The following ERI1 variants were observed in gnomAD, a reference collection of about 807,000 sequenced individuals.
ERI1 encodes the protein exoribonuclease 1.
ERI1 carries 39 observed loss-of-function variants against 39.7 expected under a neutral mutation model. The observed-to-expected ratio is 0.98, with a 90% CI of 0.76 to 1.28. The LOEUF is 1.28. Among genes scored for constraint, ERI1 ranks in the 50% most tolerant of loss-of-function variants. The pLI is 0.00. For synonymous variants in ERI1, 204 were observed against 149.6 expected, an observed-to-expected ratio of 1.36 and a Z score of -2.65; for missense variants, 581 against 416.9, an observed-to-expected ratio of 1.39 and a Z score of -3.43.
chr8:9,019,028 T>A (rs1170304081), intron 5 of ERI1, among the ~76,000 whole-genome samples: 1 of 152,226 alleles, frequency 6.6e-6, no homozygotes, highest in Non-Finnish European at 1.5e-5. Context: ...AAGACTTACT[T>A]TTGCAAGGAA....
chr8:9,055,955 G>A (rs1798494246), intron 3 of ERI1, among the ~76,000 whole-genome samples: 1 of 152,190 alleles, frequency 6.6e-6, no homozygotes. Flanking sequence ...AAAATGAGGG[G>A]CAAGAGACAG....
chr8:9,064,980 TG>T (rs1235532581), intron 3 of ERI1, among the ~76,000 whole-genome samples: 1 of 151,388 alleles, frequency 6.6e-6, no homozygotes, highest in African/African-American at 2.4e-5. Context: ...CAGGAAGGAG[TG>T]GGGGTCACAA....
intron 5 of ERI1, among the ~76,000 whole-genome samples, chr8:9,019,270 G>A (rs545510085): frequency 6.6e-6 from 1 of 152,190 alleles, no homozygotes; most frequent in Non-Finnish European, 1.5e-5. Context: ...TTCAAACTGT[G>A]CAGGTTATCC....
At chr8:9,070,400 A>G (rs1799011657) in intron 3 of ERI1, among the ~76,000 whole-genome samples, 2 of 152,164 alleles carry the variant, frequency 1.3e-5, no homozygotes, top group African/African-American at 4.8e-5. Flanking sequence ...AGGCCAAAGG[A>G]TGGCTTGAGC....
chr8:9,009,884 C>T (rs972754575), intron 2 of ERI1, among the ~76,000 whole-genome samples: 2 of 152,166 alleles, frequency 1.3e-5, no homozygotes, highest in Admixed American at 6.5e-5. Flanking sequence ...ACCTCAGGAA[C>T]ATGTGACAAT....
chr8:9,097,047 C>A (rs955222810), intron 3 of ERI1, among the ~76,000 whole-genome samples: 26 of 152,140 alleles, frequency 1.7e-4, no homozygotes, highest in Non-Finnish European at 1.0e-4. Context: ...CCCATTCCCT[C>A]TCTGCCTTTA....
intron 3 of ERI1, among the ~76,000 whole-genome samples, chr8:9,013,759 A>G (rs1816930973): frequency 6.6e-6 from 1 of 152,054 alleles, no homozygotes; most frequent in Non-Finnish European, 1.5e-5. Flanking sequence ...AGCTTTTTCT[A>G]ATTAGAATCC....
chr8:9,004,379 C>G (rs1585176345), intron 1 of ERI1: 5 of 833,254 alleles, frequency 6.0e-6, no homozygotes, highest in Non-Finnish European at 7.7e-6. Context: ...ATTTGAAAGT[C>G]TTGACACTTT....
chr8:9,016,495 G>A (rs1246873962), intron 4 of ERI1, 90 bp downstream of exon 4: 4 of 641,008 alleles, frequency 6.2e-6, no homozygotes, highest in East Asian at 3.3e-5. Context: ...AATTATTACT[G>A]TTGTGAACAA....
rs1312108284 is a variant in ERI1, at chr8:9,020,494, G to C, written c.807+30G>C. On this transcript the variant is annotated intron_variant, in intron 6 of 6. Coordinates refer to ENST00000250263, the MANE Select transcript of ERI1 (RefSeq NM_153332.4). ...AATTTCTATATTTAATAATTACGTGGTTCTTAATGATAAATTTGTTAAAAT... is the reference window on the plus strand; with the variant it reads ...AATTTCTATATTTAATAATTACGTGCTTCTTAATGATAAATTTGTTAAAAT... 3 of 1,332,768 alleles carry C rather than the reference G, an allele frequency of 2.3e-6. No homozygotes were observed. The East Asian group carries it at 7.3e-5, about 32-fold the overall frequency. 82.6% of individuals were successfully genotyped at this position (1,332,768 alleles called of 1,614,324 possible).
intron 3 of ERI1, chr8:9,062,581 GA>G (rs1243737825): frequency 1.2e-5 from 1 of 86,704 alleles, no homozygotes; most frequent in Non-Finnish European, 2.9e-5. Flanking sequence ...AGGTAATGTG[GA>G]GTGGGTAGCC....
chr8:9,031,942 G>A lies in ERI1; in HGVS notation c.*1908G>A, dbSNP rs1368106212. ...CCGCCTAATTTTTGTATTTTTGGTAGAGGCGGGGTTTCACCATGTTGGTCA... is the reference window on the plus strand; with the variant it reads ...CCGCCTAATTTTTGTATTTTTGGTAAAGGCGGGGTTTCACCATGTTGGTCA... On this transcript the variant is annotated 3_prime_UTR_variant, in exon 7 of 7. Coordinates refer to ENST00000250263, the MANE Select transcript of ERI1 (RefSeq NM_153332.4). 2 of 152,250 alleles carry A rather than the reference G, an allele frequency of 1.3e-5. No homozygotes were observed. The highest frequency in any genetic ancestry group is 2.9e-5 in the Non-Finnish European group (2 of 68,104). The allele number at this position is 152,250 out of a possible 1,614,324, so 9.4% of individuals were successfully genotyped here. A position where few individuals can be genotyped will look rare whatever the true frequency, so the allele number is the denominator to read the frequency against.
intron 3 of ERI1, among the ~76,000 whole-genome samples, chr8:9,052,597 A>C (rs1374144942): frequency 6.6e-6 from 1 of 152,188 alleles, no homozygotes; most frequent in Non-Finnish European, 1.5e-5. Context: ...TTGCACACAG[A>C]ACTGGGGCAC....
At chr8:9,093,157 C>G (rs1310421704) in intron 3 of ERI1, among the ~76,000 whole-genome samples, 1 of 152,190 alleles carries the variant, frequency 6.6e-6, no homozygotes, top group African/African-American at 2.4e-5. Flanking sequence ...GCAGGGGTGA[C>G]CAATCTTTTG....
intron 3 of ERI1, among the ~76,000 whole-genome samples, chr8:9,061,291 A>G (rs375319520): frequency 1.8e-4 from 27 of 152,308 alleles, no homozygotes; most frequent in African/African-American, 5.3e-4. Flanking sequence ...TGAGGGTCAG[A>G]TGTGGTATCC....
chr8:9,044,964 G>A (rs1250684978), intron 3 of ERI1, among the ~76,000 whole-genome samples: 2 of 152,056 alleles, frequency 1.3e-5, no homozygotes, highest in African/African-American at 4.8e-5. Flanking sequence ...ATTGCCAGGC[G>A]TGGTGGCTCA....
rs1489052227 is a variant in ERI1, at chr8:9,018,057, A to G, written c.583-240A>G. Among the ~76,000 whole-genome samples the G allele has an allele frequency of 2.0e-5, 3 of 152,216 alleles. No individual in the cohort carries two copies. The East Asian group carries it at 5.8e-4, about 29-fold the overall frequency. On this transcript the variant is annotated intron_variant, in intron 4 of 6. Transcript: ENST00000250263. Reference sequence around the variant, plus strand: ...AAAGAGAACCACTGGGGATGATCTTAAATCTTAATTTTGGGAGGATTATAC... The same window carrying G: ...AAAGAGAACCACTGGGGATGATCTTGAATCTTAATTTTGGGAGGATTATAC...
intron 3 of ERI1, among the ~76,000 whole-genome samples, chr8:9,085,563 T>A (rs1262265625): frequency 1.3e-5 from 2 of 151,548 alleles, no homozygotes; most frequent in Non-Finnish European, 2.9e-5. Flanking sequence ...ACTCATTCAT[T>A]TATGTATTGC....
At chr8:9,004,519 GCC>G (rs1815756004) in intron 1 of ERI1, among the ~76,000 whole-genome samples, 1 of 112,578 alleles carries the variant, frequency 8.9e-6, no homozygotes, top group Admixed American at 1.1e-4. Flanking sequence ...TTTACAAAAA[GCC>G]GGTCGTAGTT....
Sources: gnomAD v4.1 joint callset for allele counts (sites outside exome capture counted in the v4.1 genomes callset) on GRCh38, gnomAD v4.1.1 for gene constraint, MANE v1.5 for transcripts, NCBI Gene and HGNC (gene_info 2026-07-23, HGNC 2026-07-21) for gene names.